MMRN1: variants seen among roughly 807,000 people sequenced by gnomAD.
The protein encoded by MMRN1 is multimerin-1.
In MMRN1, 94 loss-of-function variants were observed where a neutral mutation model predicts 100.7. The ratio of observed to expected loss-of-function variants is 0.93; its 90% confidence interval spans 0.79 to 1.11. The LOEUF (loss-of-function observed/expected upper bound fraction) is 1.11, where lower values mean the gene tolerates loss of function less well. Among genes scored for constraint, MMRN1 ranks in the 50% least tolerant of loss-of-function variants. The pLI, the probability that MMRN1 is intolerant of heterozygous loss-of-function variation, is 0.00. For synonymous variants in MMRN1, 575 were observed against 505.0 expected (o/e 1.14, Z -1.86); for missense variants, 1,606 against 1,439.1 (o/e 1.12, Z -1.88).
At chr4:89,939,246 C>T (rs1722749334) in intron 6 of MMRN1, among the ~76,000 whole-genome samples, 1 of 152,108 alleles carries the variant, frequency 6.6e-6, no homozygotes, top group African/African-American at 2.4e-5. Flanking sequence ...TGCTCTCCCA[C>T]ATAACTAAAG....
intron 5 of MMRN1, among the ~76,000 whole-genome samples, chr4:89,929,148 A>C (rs1180263492): frequency 1.3e-5 from 2 of 152,150 alleles, no homozygotes; most frequent in Admixed American, 1.3e-4. Flanking sequence ...GGAGCGTCCC[A>C]GTCGGGTTTA....
At chr4:89,926,128 T>C (rs1356178177) in intron 4 of MMRN1, among the ~76,000 whole-genome samples, 1 of 152,188 alleles carries the variant, frequency 6.6e-6, no homozygotes, top group Non-Finnish European at 1.5e-5. Flanking sequence ...ATTTCCTTTC[T>C]TTTGTGTGTA....
chr4:89,909,276 G>A lies in MMRN1; in HGVS notation c.624G>A (p.Lys208=), dbSNP rs776952032. 5.7e-6 allele frequency: 9 copies of A among 1,588,566 alleles called. No homozygotes were observed. Among genetic ancestry groups the A allele is most frequent in the Admixed American group, 1.8e-5 (1 of 55,156 alleles). The change falls in exon 2 of 8, where the codon AAG becomes AAA. Residue 208 remains lysine, a splice_region_variant and synonymous_variant. Coordinates refer to ENST00000264790, the MANE Select transcript of MMRN1 (RefSeq NM_007351.3). The stretch of plus-strand genomic sequence containing the variant: ...CCCTAACAATTATGATCTTCTTTAG[G>A]AATTGGTGTGCTTATGTACATACCA... ...QKSNFETTRG[K]NWCAYVHTRL... is the part of the protein sequence containing the mutation.
upstream of MMRN1, among the ~76,000 whole-genome samples, chr4:89,892,398 T>C (rs758481679): frequency 2.6e-5 from 4 of 151,654 alleles, no homozygotes; most frequent in South Asian, 2.1e-4. Context: ...TAATAGTATC[T>C]AGAAGAATGA....
chr4:89,937,368 A>C (rs1722679921), intron 6 of MMRN1, among the ~76,000 whole-genome samples: 1 of 152,030 alleles, frequency 6.6e-6, no homozygotes, highest in Non-Finnish European at 1.5e-5. Flanking sequence ...AGAAGCATGA[A>C]GCTAGCAATA....
intron 1 of MMRN1, among the ~76,000 whole-genome samples, chr4:89,888,125 A>G (rs777679526): frequency 1.3e-5 from 2 of 151,946 alleles, no homozygotes; most frequent in Non-Finnish European, 2.9e-5. Context: ...TATATATTTA[A>G]CTTTTCTGAT....
At chr4:89,921,537 A>T (rs1036315372) in intron 3 of MMRN1, among the ~76,000 whole-genome samples, 2 of 152,148 alleles carry the variant, frequency 1.3e-5, no homozygotes, top group Non-Finnish European at 2.9e-5. Context: ...TTAAACTTAC[A>T]CTATAATAAC....
At chr4:89,939,591 T>A (rs1456442336) in intron 6 of MMRN1, among the ~76,000 whole-genome samples, 1 of 152,126 alleles carries the variant, frequency 6.6e-6, no homozygotes, top group African/African-American at 2.4e-5. Flanking sequence ...AACTAAAGTA[T>A]CCTGCCTAAG....
chr4:89,892,245 C>T (rs947022265), upstream of MMRN1, among the ~76,000 whole-genome samples: 1 of 151,430 alleles, frequency 6.6e-6, no homozygotes, highest in Non-Finnish European at 1.5e-5. Flanking sequence ...TCATGGTGAA[C>T]AAATGGCAAG....
At chr4:89,949,177 G>C (rs773999101) in intron 6 of MMRN1, among the ~76,000 whole-genome samples, 2 of 152,174 alleles carry the variant, frequency 1.3e-5, no homozygotes, top group Non-Finnish European at 2.9e-5. Flanking sequence ...CAGCAATGCA[G>C]ATAAATCTAA....
At chr4:89,911,843 A>G (rs1721759762) in intron 2 of MMRN1, 101 bp from the exon 3 acceptor site, 1 of 695,648 alleles carries the variant, frequency 1.4e-6, no homozygotes, top group South Asian at 1.7e-5. Flanking sequence ...AATGCTTGTT[A>G]TATTGTAGGC....
At chr4:89,883,783 T>C (rs2110568433) in intron 1 of MMRN1, among the ~76,000 whole-genome samples, 1 of 152,242 alleles carries the variant, frequency 6.6e-6, no homozygotes, top group Non-Finnish European at 1.5e-5. Flanking sequence ...AAAAGGTTCA[T>C]GTTTTCCGTA....
intron 6 of MMRN1, among the ~76,000 whole-genome samples, chr4:89,947,236 C>T (rs1054942697): frequency 6.6e-6 from 1 of 152,138 alleles, no homozygotes; most frequent in East Asian, 1.9e-4. Flanking sequence ...GAGCCAAGAT[C>T]ATGCTACTGC....
intron 5 of MMRN1, among the ~76,000 whole-genome samples, chr4:89,930,824 A>G (rs751859766): frequency 1.1e-4 from 16 of 152,114 alleles, no homozygotes; most frequent in African/African-American, 3.9e-4. Context: ...TTTCATCAAT[A>G]TTTATTGAAT....
intron 3 of MMRN1, among the ~76,000 whole-genome samples, chr4:89,921,388 A>G (rs1722084420): frequency 6.6e-6 from 1 of 152,136 alleles, no homozygotes; most frequent in Non-Finnish European, 1.5e-5. Context: ...TCTGAGAACC[A>G]TTGCTTTACT....
chr4:89,935,933 T>C lies in MMRN1; in HGVS notation c.2253T>C (p.Thr751=). 6.2e-7 allele frequency: 1 copy of C among 1,610,154 alleles called. No individual in the cohort carries two copies. The highest frequency in any genetic ancestry group is 1.1e-5 in the South Asian group (1 of 90,266). The change falls in exon 6 of 8, where the codon ACT becomes ACC. Residue 751 remains threonine, a synonymous_variant. Transcript: ENST00000264790. ...AAGATAACTATGCCCTAAAAGAGAC[T>C]TTAAGTACTATTAAGGATAATAGTG... ...FIQDNYALKE[T]LSTIKDNSEI...
intron 1 of MMRN1, among the ~76,000 whole-genome samples, chr4:89,897,289 AT>A (rs1412447280): frequency 5.1e-4 from 77 of 152,086 alleles, no homozygotes; most frequent in Middle Eastern, 3.4e-3. Context: ...GCTCACTGCA[AT>A]CTTCGACTCC....
chr4:89,952,994 C>T lies in MMRN1; in HGVS notation c.3266-3C>T, dbSNP rs1343532729. On this transcript the variant is annotated splice_polypyrimidine_tract_variant and splice_region_variant and intron_variant, in intron 7 of 7. Transcript: ENST00000264790. The stretch of plus-strand genomic sequence containing the variant: ...TAACTCTTGCCATTTTTTCCTCTAA[C>T]AGATTTTTCCAAAGGATCTTACAGA... 2 of 1,550,496 alleles carry T rather than the reference C, an allele frequency of 1.3e-6. No individual in the cohort carries two copies. Among genetic ancestry groups the T allele is most frequent in the Admixed American group, 4.1e-5 (2 of 48,406 alleles).
In MMRN1 at chr4:89,935,407, A is replaced by G. The variant is rs1245775900; in HGVS notation, c.1727A>G (p.Asn576Ser). ...CACATTCAAGAAAGCAAGATTAACA[A>G]TCTCACCGTCTCTTTGGAGATGGAG... ...DLHIQESKIN[N>S]LTVSLEMEKE... The change falls in exon 6 of 8, where the codon AAT becomes AGT. Residue 576 changes from asparagine to serine, a missense_variant. By Grantham distance (46) the Asn-to-Ser change is conservative. Transcript: ENST00000264790. 1.9e-6 allele frequency: 3 copies of G among 1,613,344 alleles called. No individual in the cohort carries two copies. Among genetic ancestry groups the G allele is most frequent in the African/African-American group, 2.7e-5 (2 of 74,904 alleles).
Sources: allele counts gnomAD v4.1 joint callset (sites outside exome capture counted in the v4.1 genomes callset), GRCh38; gene constraint gnomAD v4.1.1; transcripts MANE v1.5; gene names NCBI Gene and HGNC (gene_info 2026-07-23, HGNC 2026-07-21).